CFAP144: variants seen among roughly 807,000 people sequenced by gnomAD.
The protein encoded by CFAP144 is cilia and flagella associated protein 144, also known as cilia- and flagella-associated protein 144.
chr1:43,156,222 AT>A, the CFAP144 span: 3 of 1,613,842 alleles, frequency 1.9e-6, no homozygotes, highest in Non-Finnish European at 2.5e-6. Flanking sequence ...CCAGAACGCC[AT>A]GACCGCAGGC....
the CFAP144 span, among the ~76,000 whole-genome samples, chr1:43,148,667 C>T: frequency 1.3e-5 from 2 of 152,150 alleles, no homozygotes; most frequent in Non-Finnish European, 2.9e-5. Context: ...AGGAGGAAAG[C>T]CAGGCTCATT....
At chr1:43,152,855 C>G in the CFAP144 span, 1 of 1,612,208 alleles carries the variant, frequency 6.2e-7, no homozygotes. Flanking sequence ...ATTCACCATG[C>G]TGCCCAGGGA....
At chr1:43,151,443 T>C in the CFAP144 span, among the ~76,000 whole-genome samples, 2 of 152,198 alleles carry the variant, frequency 1.3e-5, no homozygotes, top group Admixed American at 6.5e-5. Context: ...GGACCATGAC[T>C]GATGTGAGAA....
the CFAP144 span, chr1:43,152,870 G>C: frequency 8.7e-6 from 14 of 1,613,414 alleles, no homozygotes; most frequent in Non-Finnish European, 1.1e-5. Context: ...CAGGGACCAA[G>C]GAAGAAGTAC....
At chr1:43,150,895 C>G in the CFAP144 span, 1 of 1,227,544 alleles carries the variant, frequency 8.1e-7, no homozygotes, top group South Asian at 1.3e-5. Flanking sequence ...CTCTCAGGGT[C>G]GTGATATCTT....
chr1:43,147,667 A>G, the CFAP144 span, among the ~76,000 whole-genome samples: 1 of 152,214 alleles, frequency 6.6e-6, no homozygotes, highest in Non-Finnish European at 1.5e-5. Flanking sequence ...TCCTGGCGGT[A>G]TCCAGGGGAC....
At chr1:43,147,249 T>C in the CFAP144 span, among the ~76,000 whole-genome samples, 4 of 152,306 alleles carry the variant, frequency 2.6e-5, no homozygotes, top group East Asian at 7.7e-4. Flanking sequence ...AAGGGAAACT[T>C]GTTGTTTAAT....
chr1:43,142,996 G>T, the CFAP144 span, among the ~76,000 whole-genome samples: 1 of 151,928 alleles, frequency 6.6e-6, no homozygotes, highest in African/African-American at 2.4e-5. Flanking sequence ...GCATGTGCAG[G>T]TTTGTTATAT....
At chr1:43,150,922 T>G in the CFAP144 span, 1 of 933,184 alleles carries the variant, frequency 1.1e-6, no homozygotes. Context: ...AGCATCAGAG[T>G]CCTCTGCTTT....
chr1:43,150,262 A>C, the CFAP144 span, among the ~76,000 whole-genome samples: 1 of 152,218 alleles, frequency 6.6e-6, no homozygotes, highest in South Asian at 2.1e-4. Flanking sequence ...AGTGCACAGT[A>C]ATTATGAGCT....
chr1:43,152,652 C>G, the CFAP144 span: 3 of 599,944 alleles, frequency 5.0e-6, no homozygotes, highest in South Asian at 9.6e-5. Flanking sequence ...TTGAGCTCAC[C>G]ACATATTTGT....
At chr1:43,145,549 T>A in the CFAP144 span, among the ~76,000 whole-genome samples, 1 of 152,158 alleles carries the variant, frequency 6.6e-6, no homozygotes, top group East Asian at 1.9e-4. Context: ...AGGGTGAGCC[T>A]CTTGCTCAGG....
At chr1:43,146,787 G>C in the CFAP144 span, among the ~76,000 whole-genome samples, 94 of 152,342 alleles carry the variant, frequency 6.2e-4, no homozygotes, top group Non-Finnish European at 5.3e-4. Context: ...TCTTCAGACA[G>C]TATTTAGGTG....
chr1:43,146,060 C>T, the CFAP144 span, among the ~76,000 whole-genome samples: 17 of 152,314 alleles, frequency 1.1e-4, 1 homozygote, highest in African/African-American at 3.8e-4. Context: ...ATTCCTACCT[C>T]ACACTGCACT....
the CFAP144 span, among the ~76,000 whole-genome samples, chr1:43,147,016 T>C: frequency 6.6e-6 from 1 of 152,170 alleles, no homozygotes; most frequent in African/African-American, 2.4e-5. Flanking sequence ...TGGCTAATTT[T>C]GTATTTTTGG....
chr1:43,153,600 C>T, the CFAP144 span, among the ~76,000 whole-genome samples: 1 of 151,332 alleles, frequency 6.6e-6, no homozygotes, highest in South Asian at 2.1e-4. Context: ...CAGAGTGAGA[C>T]TCTGTCTTAA....
At chr1:43,153,109 T>C in the CFAP144 span, 1 of 691,520 alleles carries the variant, frequency 1.4e-6, no homozygotes, top group Non-Finnish European at 2.4e-6. Flanking sequence ...ATGGAGCTAA[T>C]ACAGTACCTA....
the CFAP144 span, among the ~76,000 whole-genome samples, chr1:43,154,247 A>G: frequency 1.4e-5 from 2 of 145,214 alleles, no homozygotes; most frequent in Admixed American, 1.4e-4. Flanking sequence ...AATTATATAA[A>G]ATATTAAATA....
At chr1:43,156,313 G>A in the CFAP144 span, 1 of 1,610,834 alleles carries the variant, frequency 6.2e-7, no homozygotes, top group Non-Finnish European at 8.5e-7. Flanking sequence ...ACCACAAGTA[G>A]CATCCCAGCG....
Sources: gnomAD v4.1 joint callset for allele counts (sites outside exome capture counted in the v4.1 genomes callset) on GRCh38, gnomAD v4.1.1 for gene constraint, MANE v1.5 for transcripts, NCBI Gene and HGNC (gene_info 2026-07-23, HGNC 2026-07-21) for gene names.